MAD2L1BP: variants seen among roughly 807,000 people sequenced by gnomAD.
MAD2L1BP encodes the protein MAD2L1-binding protein.
MAD2L1BP carries 22 observed loss-of-function variants against 28.4 expected under a neutral mutation model. That is an observed-to-expected ratio of 0.77 (90% CI 0.55 to 1.10). The LOEUF is 1.10. MAD2L1BP is among the 50% of genes least tolerant of loss of function. MAD2L1BP has a pLI of 0.00. For synonymous variants in MAD2L1BP, 146 were observed against 133.7 expected (o/e 1.09, Z -0.63); for missense variants, 325 against 350.5 (o/e 0.93, Z 0.58).
intron 1 of MAD2L1BP, among the ~76,000 whole-genome samples, chr6:43,630,096 C>T (rs1324164717): frequency 1.3e-5 from 2 of 152,204 alleles, no homozygotes; most frequent in Admixed American, 1.3e-4. Context: ...GCCCCTACTT[C>T]GGGCGGGGCT....
upstream of MAD2L1BP, chr6:43,635,829 G>A (rs1389200277): frequency 7.6e-6 from 11 of 1,440,278 alleles, no homozygotes; most frequent in Admixed American, 3.4e-5. Context: ...ATGATGCCCC[G>A]CGAGACCTTT....
Position 43,640,442 on chromosome 6 carries a change from T to C in MAD2L1BP, c.734T>C (p.Leu245Pro). 3 of 1,613,834 alleles carry C rather than the reference T, an allele frequency of 1.9e-6. No homozygotes were observed. The highest frequency in any genetic ancestry group is 2.5e-6 in the Non-Finnish European group (3 of 1,179,980). Residue 245 changes from leucine to proline, a missense_variant, in exon 3 of 3, where the codon CTG becomes CCG. Physicochemically the swap from Leu to Pro is moderately conservative, Grantham distance 98 (BLOSUM62 -3). Coordinates refer to ENST00000372171, the MANE Select transcript of MAD2L1BP (RefSeq NM_014628.3). ...CGGGGCCATAAACTGACTGTGACCC[T>C]GTCATGTGGCAGACCTTCCATCCGA... ...PSRGHKLTVT[L>P]SCGRPSIRTT...
intron 2 of MAD2L1BP, among the ~76,000 whole-genome samples, chr6:43,638,686 C>T (rs572757430): frequency 6.6e-6 from 1 of 151,744 alleles, no homozygotes; most frequent in African/African-American, 2.4e-5. Context: ...GTCCCAGCTA[C>T]TCGGGAGGCT....
At chr6:43,632,267 T>C (rs1374366716), upstream of MAD2L1BP, among the ~76,000 whole-genome samples, 1 of 149,796 alleles carries the variant, frequency 6.7e-6, no homozygotes, top group African/African-American at 2.5e-5. Context: ...ACTTTTTTTT[T>C]TTTTTTTTTT....
chr6:43,630,602 G>A (rs969609648), intron 1 of MAD2L1BP, among the ~76,000 whole-genome samples: 2 of 152,124 alleles, frequency 1.3e-5, no homozygotes, highest in African/African-American at 4.8e-5. Context: ...AATTAGCTGG[G>A]CGTGGTGGCG....
chr6:43,638,878 AT>A (rs1480828365), intron 2 of MAD2L1BP, among the ~76,000 whole-genome samples: 1 of 151,662 alleles, frequency 6.6e-6, no homozygotes, highest in Non-Finnish European at 1.5e-5. Context: ...CTATAAGGAG[AT>A]TAGGTGGGAA....
chr6:43,631,780 C>T (rs1769938635), upstream of MAD2L1BP, among the ~76,000 whole-genome samples: 1 of 152,186 alleles, frequency 6.6e-6, no homozygotes, highest in South Asian at 2.1e-4. Context: ...GCTGCCACAC[C>T]TGACCTACTA....
chr6:43,637,862 G>A (rs955679102), intron 2 of MAD2L1BP, among the ~76,000 whole-genome samples: 31 of 151,760 alleles, frequency 2.0e-4, no homozygotes, highest in Middle Eastern at 6.9e-3. Context: ...GCCTCCCAAA[G>A]TGCTGGGATT....
intron 1 of MAD2L1BP, 99 bp from the exon 2 acceptor site, chr6:43,636,282 T>A (rs1207396729): frequency 1.5e-6 from 2 of 1,299,032 alleles, no homozygotes; most frequent in South Asian, 1.4e-5. Flanking sequence ...GAGTGCCTGC[T>A]TTTTCAGGGT....
upstream of MAD2L1BP, among the ~76,000 whole-genome samples, chr6:43,633,549 T>C (rs751221418): frequency 3.3e-5 from 5 of 152,078 alleles, no homozygotes; most frequent in Non-Finnish European, 7.4e-5. Context: ...TTGGCCTCCA[T>C]GACCTGACAC....
intron 1 of MAD2L1BP, among the ~76,000 whole-genome samples, chr6:43,630,384 C>T (rs940339117): frequency 6.6e-6 from 1 of 152,206 alleles, no homozygotes; most frequent in Non-Finnish European, 1.5e-5. Context: ...ACTCAGACCA[C>T]TCACAGTGTG....
upstream of MAD2L1BP, among the ~76,000 whole-genome samples, chr6:43,634,220 CTTTTTTTT>C (rs751773637): frequency 4.8e-5 from 5 of 103,688 alleles, no homozygotes; most frequent in East Asian, 2.6e-4. Flanking sequence ...TTCTTTTTTT[CTTTTTTTT>C]TTTTTTTTTG....
rs1483248192 is a variant in MAD2L1BP, at chr6:43,640,912, T to G, written c.*379T>G. On this transcript the variant is annotated 3_prime_UTR_variant, in exon 3 of 3. Transcript: ENST00000372171. ...ATAATGTGGATGTGACTTATGAACT[T>G]AAATATAAAATAAATAGATTCTTAT... The G allele has an allele frequency of 9.4e-6, 2 of 212,300 alleles. No homozygotes were observed. Among genetic ancestry groups the G allele is most frequent in the African/African-American group, 4.5e-5 (2 of 44,064 alleles). The allele number at this position is 212,300 out of a possible 1,614,324, so 13.2% of individuals were successfully genotyped here. A position where few individuals can be genotyped will look rare whatever the true frequency, so the allele number is the denominator to read the frequency against.
chr6:43,636,878 T>C, intron 2 of MAD2L1BP: 2 of 544,942 alleles, frequency 3.7e-6, no homozygotes. Context: ...GAACTGGCTC[T>C]TTGCATTTTT....
In MAD2L1BP at chr6:43,640,067, G is replaced by A. The variant is rs373797285; in HGVS notation, c.359G>A (p.Ser120Asn). The change falls in exon 3 of 3, where the codon AGC (serine) becomes AAC (asparagine). Residue 120 changes from serine (S) to asparagine (N), a missense_variant. Ser to Asn is a conservative substitution (Grantham distance 46). Coordinates refer to ENST00000372171, the MANE Select transcript of MAD2L1BP (RefSeq NM_014628.3). ...KKKPRATTEV[S>N]SRKCQQALAE... is the part of the protein sequence containing the mutation. ...AAACCTCGGGCCACCACTGAGGTGA[G>A]CAGCAGGAAATGCCAACAAGCCCTG... 5.7e-6 allele frequency: 9 copies of A among 1,574,502 alleles called. No homozygotes were observed. The highest frequency in any genetic ancestry group is 7.8e-6 in the Non-Finnish European group (9 of 1,156,256).
upstream of MAD2L1BP, among the ~76,000 whole-genome samples, chr6:43,634,932 A>G (rs1305683599): frequency 6.6e-6 from 1 of 151,936 alleles, no homozygotes; most frequent in Non-Finnish European, 1.5e-5. Context: ...GACCTCCTAA[A>G]TATCTCGAGT....
chr6:43,630,356 C>T (rs985531073), intron 1 of MAD2L1BP, among the ~76,000 whole-genome samples: 4 of 152,212 alleles, frequency 2.6e-5, no homozygotes, highest in African/African-American at 9.6e-5. Context: ...CAATTCACAG[C>T]CGCATGGCTG....
chr6:43,636,798 T>TA, intron 2 of MAD2L1BP, 152 bp downstream of exon 2: 2 of 852,582 alleles, frequency 2.3e-6, no homozygotes, highest in Non-Finnish European at 3.6e-6. Flanking sequence ...TAGTCTTTGG[T>TA]AGCCTAACCC....
In MAD2L1BP at chr6:43,636,545, C is replaced by CA; in HGVS notation, c.212dup (p.Phe72ValfsTer4). The CA allele has an allele frequency of 6.2e-7, 1 of 1,614,128 alleles. No individual in the cohort carries two copies. Among genetic ancestry groups the CA allele is most frequent in the South Asian group, 1.1e-5 (1 of 91,080 alleles). On this transcript the variant is annotated frameshift_variant, in exon 2 of 3. Transcript: ENST00000372171. LOFTEE classifies it high-confidence loss of function. ...GCCTGTGAGCCAGGAAGGCTGCTGT[C>CA]AGTTTACTTGTGAACTTCTAAAGCA...
Sources: gnomAD v4.1 joint callset for allele counts (sites outside exome capture counted in the v4.1 genomes callset) on GRCh38, gnomAD v4.1.1 for gene constraint, MANE v1.5 for transcripts, NCBI Gene and HGNC (gene_info 2026-07-23, HGNC 2026-07-21) for gene names.